The following RUFY2 variants were observed in gnomAD, a reference collection of about 807,000 sequenced individuals.
RUFY2 encodes the protein RUN and FYVE domain-containing protein 2.
Under a neutral mutation model 94.4 loss-of-function variants are expected in RUFY2, and 49 were observed. The ratio of observed to expected loss-of-function variants is 0.52; its 90% CI spans 0.41 to 0.66. The LOEUF (loss-of-function observed/expected upper bound fraction) is 0.66. Among genes scored for constraint, RUFY2 ranks in the 30% least tolerant of loss-of-function variants. The probability of loss-of-function intolerance (pLI) is 0.00; values close to 1 mark genes in which losing one functional copy is unlikely to be tolerated. For missense variants in RUFY2, 541 were observed against 692.8 expected (o/e 0.78, Z 2.46); for synonymous variants, 255 against 235.7 (o/e 1.08, Z -0.75).
At chr10:68,350,023 T>C (rs1284076976) in intron 16 of RUFY2, among the ~76,000 whole-genome samples, 1 of 151,946 alleles carries the variant, frequency 6.6e-6, no homozygotes, top group Non-Finnish European at 1.5e-5. Context: ...TATTATTTTA[T>C]TATTTAGATG....
intron 15 of RUFY2, among the ~76,000 whole-genome samples, chr10:68,359,154 G>A (rs1289388681): frequency 1.3e-5 from 2 of 151,860 alleles, no homozygotes; most frequent in African/African-American, 2.4e-5. Context: ...CAAGGTGGGT[G>A]GATCACTTGA....
At chr10:68,401,513 G>A in intron 3 of RUFY2, 107 bp downstream of exon 3, 1 of 665,924 alleles carries the variant, frequency 1.5e-6, no homozygotes, top group Admixed American at 2.3e-5. Context: ...ATTAGAAGAA[G>A]GGGACTTAAG....
intron 7 of RUFY2, among the ~76,000 whole-genome samples, chr10:68,391,969 AAAAC>A (rs770942164): frequency 4.9e-4 from 75 of 152,090 alleles, no homozygotes; most frequent in African/African-American, 1.2e-3. Context: ...CTGTCTCAAA[AAAAC>A]AAACAAACAA....
At chr10:68,396,902 A>G (rs2050434196) in intron 3 of RUFY2, 21 bp from the exon 4 acceptor site, 1 of 1,523,934 alleles carries the variant, frequency 6.6e-7, no homozygotes, top group South Asian at 1.1e-5. Context: ...GAACCAATTG[A>G]TCAGAAAACA....
At chr10:68,391,179 A>G (rs61855074) in intron 7 of RUFY2, among the ~76,000 whole-genome samples, 16,499 of 147,068 alleles carry the variant, frequency 0.11, 1,104 homozygotes, top group South Asian at 0.25. Flanking sequence ...CAAGTGATCC[A>G]CATGCCTCGG....
At chr10:68,394,977 G>C (rs7078760) in intron 4 of RUFY2, among the ~76,000 whole-genome samples, 101 of 151,590 alleles carry the variant, frequency 6.7e-4, no homozygotes, top group African/African-American at 2.3e-3. Context: ...AAAATCAAAA[G>C]GACTGAAGGA....
chr10:68,348,452 G>A (rs1589756549), intron 16 of RUFY2, among the ~76,000 whole-genome samples: 1 of 151,498 alleles, frequency 6.6e-6, no homozygotes, highest in African/African-American at 2.4e-5. Context: ...ATATGTTCAA[G>A]GTTACAGTGA....
intron 11 of RUFY2, 138 bp downstream of exon 11, chr10:68,381,094 C>T: frequency 2.0e-6 from 1 of 504,032 alleles, no homozygotes; most frequent in Non-Finnish European, 3.3e-6. Context: ...CTTAAGCTTT[C>T]ATTTAGAAAA....
At chr10:68,396,999 T>C in intron 3 of RUFY2, 118 bp from the exon 4 acceptor site, 1 of 641,704 alleles carries the variant, frequency 1.6e-6, no homozygotes, top group Non-Finnish European at 2.7e-6. Flanking sequence ...TTGTTTTCAT[T>C]TTTATAGGTT....
chr10:68,347,179 T>A (rs2134911059), intron 16 of RUFY2, among the ~76,000 whole-genome samples: 1 of 152,000 alleles, frequency 6.6e-6, no homozygotes, highest in African/African-American at 2.4e-5. Flanking sequence ...TACATGGCTA[T>A]TTCCCTCAAC....
At chr10:68,392,926 CAAAAAAA>C (rs11432211) in intron 7 of RUFY2, among the ~76,000 whole-genome samples, 53 of 78,560 alleles carry the variant, frequency 6.7e-4, no homozygotes, top group African/African-American at 2.2e-3. Flanking sequence ...GACTTCATCT[CAAAAAAA>C]AAAAAAAAAA....
intron 10 of RUFY2, among the ~76,000 whole-genome samples, chr10:68,382,277 C>G (rs1438078194): frequency 6.7e-6 from 1 of 150,250 alleles, no homozygotes; most frequent in Admixed American, 6.7e-5. Context: ...AGGATGGTCT[C>G]GATCTCCTGA....
In RUFY2 at chr10:68,367,737, CCT is replaced by C. The variant is rs1165274393; in HGVS notation, c.1326-3626_1326-3625del. On this transcript the variant is annotated intron_variant, in intron 13 of 17. Coordinates refer to ENST00000602465, the MANE Select transcript of RUFY2 (RefSeq NM_001330103.2). ...ATCTCTCTCCCTCCCTCCCTCCCTC[CCT>C]CTCTCTCTCTCTCTCTTTCCTTCCT... 1.3e-3 allele frequency among the ~76,000 whole-genome samples: 176 copies of C among 139,726 alleles called. 1 individual carries two copies. Among genetic ancestry groups the C allele is most frequent in the Middle Eastern group, 3.6e-3 (1 of 276 alleles). 91.7% of individuals were successfully genotyped at this position (139,726 alleles called of 152,430 possible). A position where few individuals can be genotyped will look rare whatever the true frequency, so the allele number is the denominator to read the frequency against.
chr10:68,346,826 A>C (rs575410770), intron 16 of RUFY2: 1 of 152,308 alleles, frequency 6.6e-6, no homozygotes, highest in East Asian at 1.9e-4. Context: ...CTTATACCTT[A>C]AGACCCTAAA....
At position 68,357,939 on chromosome 10, in the gene RUFY2, G is replaced by A. The variant is rs1232272718; in HGVS notation, c.1551-2538C>T. Among the ~76,000 whole-genome samples, 3 of 152,148 alleles carry A rather than the reference G, an allele frequency of 2.0e-5. No individual in the cohort carries two copies. In the East Asian group the frequency reaches 5.8e-4, roughly 29 times the overall value. ...ATGGTGGTTCCTGCCTGTAATCGCA[G>A]CACTTTGGGAGGCTGAGGTGGGGAG... On this transcript the variant is annotated intron_variant, in intron 15 of 17. Coordinates refer to ENST00000602465, the MANE Select transcript of RUFY2 (RefSeq NM_001330103.2).
intron 16 of RUFY2, among the ~76,000 whole-genome samples, chr10:68,348,623 C>G (rs2046446010): frequency 6.6e-6 from 1 of 152,070 alleles, no homozygotes; most frequent in Admixed American, 6.5e-5. Flanking sequence ...CCCACAGCCA[C>G]CTAGTGGAAG....
chr10:68,386,093 G>T lies in RUFY2; in HGVS notation c.686C>A (p.Ser229Ter). The change falls in exon 8 of 18, where the codon TCA becomes TAA. Residue 229 changes from serine to a stop codon, truncating the protein, a stop_gained. Coordinates refer to ENST00000602465, the MANE Select transcript of RUFY2 (RefSeq NM_001330103.2). LOFTEE classifies it high-confidence loss of function. ...CAGCTTAGTATTTGACTTTTCTAAT[G>T]AATCAACTCTTGAATGGAGGCTGCT... ...TVSSLHSRVD[S>*]LEKSNTKLIE... 1 of 1,612,608 alleles carries T rather than the reference G, an allele frequency of 6.2e-7. No homozygotes were observed. The highest frequency in any genetic ancestry group is 1.1e-5 in the South Asian group (1 of 90,840).
intron 16 of RUFY2, among the ~76,000 whole-genome samples, chr10:68,347,033 C>G (rs947896604): frequency 5.9e-5 from 9 of 151,950 alleles, no homozygotes; most frequent in African/African-American, 1.9e-4. Flanking sequence ...AAGGGAGAAT[C>G]GCTTAAGCCC....
At chr10:68,399,807 G>C (rs1438274813) in intron 3 of RUFY2, among the ~76,000 whole-genome samples, 1 of 152,128 alleles carries the variant, frequency 6.6e-6, no homozygotes, top group Non-Finnish European at 1.5e-5. Flanking sequence ...TTGAGACAGA[G>C]TTTCTCTCTT....
Sources: gnomAD v4.1 joint callset for allele counts (sites outside exome capture counted in the v4.1 genomes callset) on GRCh38, gnomAD v4.1.1 for gene constraint, MANE v1.5 for transcripts, NCBI Gene and HGNC (gene_info 2026-07-23, HGNC 2026-07-21) for gene names.